The following PPL variants were observed in gnomAD, a reference collection of about 807,000 sequenced individuals.
PPL encodes periplakin.
PPL carries 198 observed loss-of-function variants against 194.4 expected under a neutral mutation model. The ratio of observed to expected loss-of-function variants is 1.02; its 90% CI spans 0.91 to 1.15. The LOEUF is 1.15. Ranked by LOEUF, PPL falls within the 50% of genes most tolerant of loss-of-function variation. The pLI is 0.00. For synonymous variants in PPL, 1,220 were observed against 972.4 expected (o/e 1.25, Z -4.74); for missense variants, 2,885 against 2,294.8 (o/e 1.26, Z -5.25).
At chr16:4,895,442 C>G (rs1162425725) in intron 10 of PPL, 35 bp from the exon 11 acceptor site, 1 of 1,608,186 alleles carries the variant, frequency 6.2e-7, no homozygotes. Context: ...CAGGTGAGAC[C>G]AACAGCCTTC....
intron 1 of PPL, among the ~76,000 whole-genome samples, chr16:4,926,929 A>C (rs2089166349): frequency 6.6e-6 from 1 of 151,484 alleles, no homozygotes; most frequent in African/African-American, 2.4e-5. Flanking sequence ...TAGATCACTT[A>C]CACCAGGGTA....
In PPL at chr16:4,904,046, A is replaced by G. The variant is rs771716869; in HGVS notation, c.163-6T>C. ...TCCTGCAGCCGAGCCAGGTCCTGTGAGGGTCACAAGAGAGGGGACAATGAA... is the reference window on the plus strand; with the variant it reads ...TCCTGCAGCCGAGCCAGGTCCTGTGGGGGTCACAAGAGAGGGGACAATGAA... On this transcript the variant is annotated splice_polypyrimidine_tract_variant and splice_region_variant and intron_variant, in intron 2 of 21. Transcript: ENST00000345988. 1 of 1,609,908 alleles carries G rather than the reference A, an allele frequency of 6.2e-7. No homozygotes were observed. The highest frequency in any genetic ancestry group is 8.5e-7 in the Non-Finnish European group (1 of 1,179,424).
chr16:4,924,813 A>G (rs891173478), intron 1 of PPL, among the ~76,000 whole-genome samples: 1 of 152,178 alleles, frequency 6.6e-6, no homozygotes, highest in African/African-American at 2.4e-5. Flanking sequence ...GCTCACAGCC[A>G]TCCCCTTCTC....
In PPL at chr16:4,891,958, AC is replaced by A; in HGVS notation, c.1830-10del. ...GGTTGGCCACATCAACCCTGAGAGC[AC>A]CAATCAGGCGTCGGGGGATGCCCAC... On this transcript the variant is annotated splice_polypyrimidine_tract_variant and intron_variant, in intron 15 of 21. Transcript: ENST00000345988. The A allele has an allele frequency of 6.2e-7, 1 of 1,612,088 alleles. No individual in the cohort carries two copies.
intron 14 of PPL, among the ~76,000 whole-genome samples, chr16:4,892,486 C>G (rs956616882): frequency 6.6e-6 from 1 of 152,218 alleles, no homozygotes; most frequent in Non-Finnish European, 1.5e-5. Context: ...GCACTGCACG[C>G]GGACGCTTCT....
Position 4,932,922 on chromosome 16 carries a change from G to A in PPL, c.62+4062C>T, listed in dbSNP as rs574521510. On this transcript the variant is annotated intron_variant, in intron 1 of 21. Transcript: ENST00000345988. The stretch of plus-strand genomic sequence containing the variant: ...GAGGCTCGGAGACATTAAGTGACTT[G>A]CCCAAGATCAAACAGCTTAAGAGAC... 2.7e-4 allele frequency among the ~76,000 whole-genome samples: 41 copies of A among 152,100 alleles called. 1 individual carries two copies. In the South Asian group the frequency reaches 6.0e-3, roughly 22 times the overall value.
intron 9 of PPL, 68 bp downstream of exon 9, chr16:4,897,607 G>A: frequency 7.9e-7 from 1 of 1,271,328 alleles, no homozygotes; most frequent in Admixed American, 1.7e-5. Context: ...CATGAGCCAG[G>A]TAGGCACTGA....
chr16:4,904,160 T>C (rs1395992625), intron 2 of PPL, 120 bp from the exon 3 acceptor site: 1 of 1,085,544 alleles, frequency 9.2e-7, no homozygotes, highest in Non-Finnish European at 1.3e-6. Context: ...TTGAATAACG[T>C]CTTCCAGGCT....
intron 1 of PPL, among the ~76,000 whole-genome samples, chr16:4,925,267 G>C (rs577890456): frequency 6.6e-6 from 1 of 152,192 alleles, no homozygotes; most frequent in South Asian, 2.1e-4. Context: ...GTGCACCTCC[G>C]GTGCCGAGTA....
intron 20 of PPL, among the ~76,000 whole-genome samples, chr16:4,887,869 T>C (rs2088243390): frequency 6.6e-6 from 1 of 152,238 alleles, no homozygotes; most frequent in African/African-American, 2.4e-5. Flanking sequence ...GTGCTAGGAT[T>C]ACAGGTGTGA....
chr16:4,912,656 C>T (rs1339863398), intron 1 of PPL, among the ~76,000 whole-genome samples: 1 of 152,240 alleles, frequency 6.6e-6, no homozygotes, highest in Non-Finnish European at 1.5e-5. Flanking sequence ...AAGCCCTCAC[C>T]ATGAGTGAAT....
Position 4,899,254 on chromosome 16 carries a change from A to T in PPL, c.737T>A (p.Leu246His). 1 of 1,613,782 alleles carries T rather than the reference A, an allele frequency of 6.2e-7. No homozygotes were observed. The change falls in exon 7 of 22, where the codon CTC (leucine) becomes CAC (histidine). Residue 246 changes from leucine (L) to histidine (H), a missense_variant. By Grantham distance (99) the Leu-to-His change is moderately conservative. Coordinates refer to ENST00000345988, the MANE Select transcript of PPL (RefSeq NM_002705.5). ...CTGGCGCCGGCGGCTGGGGTAGTCG[A>T]GGTTGCGGTCACTCCAGTCGTACTG... is the stretch of plus-strand genomic sequence containing the variant. ...RMQYDWSDRN[L>H]DYPSRRRQYE... is the part of the protein sequence containing the mutation.
chr16:4,924,617 G>T (rs1181679303), intron 1 of PPL, among the ~76,000 whole-genome samples: 1 of 152,180 alleles, frequency 6.6e-6, no homozygotes, highest in Non-Finnish European at 1.5e-5. Flanking sequence ...GGTCTCCTCT[G>T]TGGGTCCCTC....
chr16:4,931,260 A>C (rs2089221808), intron 1 of PPL, among the ~76,000 whole-genome samples: 1 of 152,110 alleles, frequency 6.6e-6, no homozygotes, highest in South Asian at 2.1e-4. Flanking sequence ...GCTTCTTGGG[A>C]GGCTGAGGCA....
intron 1 of PPL, among the ~76,000 whole-genome samples, chr16:4,913,672 G>C (rs975630964): frequency 5.3e-5 from 8 of 152,126 alleles, no homozygotes; most frequent in African/African-American, 1.9e-4. Context: ...TGAGTAGCTG[G>C]GATTACAGGT....
intron 16 of PPL, chr16:4,891,578 A>G (rs1402884523): frequency 1.6e-5 from 8 of 508,068 alleles, no homozygotes; most frequent in African/African-American, 5.9e-5. Context: ...TACACTGGCT[A>G]TTGCAGATAT....
Position 4,937,083 on chromosome 16 carries a change from C to G in PPL, c.-38G>C. 4 of 1,295,010 alleles carry G rather than the reference C, an allele frequency of 3.1e-6. No homozygotes were observed. Among genetic ancestry groups the G allele is most frequent in the African/African-American group, 1.5e-5 (1 of 64,894 alleles). The allele number at this position is 1,295,010 out of a possible 1,614,324, so 80.2% of individuals were successfully genotyped here. A position where few individuals can be genotyped will look rare whatever the true frequency, so the allele number is the denominator to read the frequency against. ...GGTGCGGGCGGCGGCGGCTGGCGGG[C>G]CGGGCGCGCACCGAGGGGCGGGCGG... On this transcript the variant is annotated 5_prime_UTR_variant, in exon 1 of 22. Transcript: ENST00000345988.
At chr16:4,910,760 G>A (rs2088802361) in intron 2 of PPL, 90 bp downstream of exon 2, 2 of 1,167,698 alleles carry the variant, frequency 1.7e-6, no homozygotes, top group African/African-American at 1.5e-5. Context: ...TCACCCCTGG[G>A]TGAGAATCAC....
chr16:4,915,390 C>T (rs553369376), intron 1 of PPL, among the ~76,000 whole-genome samples: 1 of 152,360 alleles, frequency 6.6e-6, no homozygotes, highest in East Asian at 1.9e-4. Context: ...TGTCCTCTGG[C>T]GATGACCACA....
Sources: allele counts gnomAD v4.1 joint callset (sites outside exome capture counted in the v4.1 genomes callset), GRCh38; gene constraint gnomAD v4.1.1; transcripts MANE v1.5; gene names NCBI Gene and HGNC (gene_info 2026-07-23, HGNC 2026-07-21).